Variants in IL20RA observed in about 807,000 individuals in gnomAD.
The protein encoded by IL20RA is interleukin-20 receptor subunit alpha.
A neutral mutation model predicts 36.5 loss-of-function variants in IL20RA; 29 were observed. That is an observed-to-expected ratio of 0.79 (90% CI 0.59 to 1.08). IL20RA has a LOEUF of 1.08. IL20RA is among the 50% of genes least tolerant of loss of function. The pLI is 0.00. For missense variants in IL20RA, 652 were observed against 668.4 expected (o/e 0.98, Z 0.27); for synonymous variants, 279 against 267.1 (o/e 1.04, Z -0.43).
At chr6:137,022,704 A>C (rs1319581582) in intron 1 of IL20RA, among the ~76,000 whole-genome samples, 1 of 152,234 alleles carries the variant, frequency 6.6e-6, no homozygotes, top group African/African-American at 2.4e-5. Flanking sequence ...GAGTTGTTGC[A>C]GATACAGTTA....
rs1562227474 is a variant in IL20RA at position 137,002,597 on chromosome 6, AGGGCTG to A, written c.865-248_865-243del. On this transcript the variant is annotated intron_variant, in intron 6 of 6. Transcript: ENST00000316649. ...CGCTGGGTGGGTATTTCTCCAGTCC[AGGGCTG>A]GGGCTGGGGCGTTGGTGCCCCCTCT... 7.2e-5 allele frequency among the ~76,000 whole-genome samples: 11 copies of A among 152,330 alleles called. No homozygotes were observed. In the South Asian group the frequency reaches 2.3e-3, roughly 32 times the overall value.
intron 4 of IL20RA, 40 bp downstream of exon 4, chr6:137,009,277 G>A (rs1268986128): frequency 4.7e-6 from 7 of 1,504,866 alleles, no homozygotes; most frequent in African/African-American, 1.4e-5. Context: ...TAGCTACAGA[G>A]TGGTACATGA....
At position 137,001,161 on chromosome 6, in the gene IL20RA, C is replaced by G. The variant is rs1775019388; in HGVS notation, c.*397G>C. ...AAGTGGTATTTATAAAATGAGTGAT[C>G]TTTGGGAAATATTTTTTACAGTGCT... On this transcript the variant is annotated 3_prime_UTR_variant, in exon 7 of 7. Coordinates refer to ENST00000316649, the MANE Select transcript of IL20RA (RefSeq NM_014432.4). 1 of 156,540 alleles carries G rather than the reference C, an allele frequency of 6.4e-6. No individual in the cohort carries two copies. Among genetic ancestry groups the G allele is most frequent in the Admixed American group, 6.5e-5 (1 of 15,424 alleles). The allele number at this position is 156,540 out of a possible 1,614,324, so 9.7% of individuals were successfully genotyped here.
At chr6:137,026,106 CT>C (rs1363939207) in intron 1 of IL20RA, among the ~76,000 whole-genome samples, 2 of 152,214 alleles carry the variant, frequency 1.3e-5, no homozygotes, top group African/African-American at 4.8e-5. Context: ...GTTTCTGAAG[CT>C]TATGACCAAC....
intron 1 of IL20RA, among the ~76,000 whole-genome samples, chr6:137,034,669 G>A (rs756355418): frequency 2.8e-4 from 42 of 152,070 alleles, no homozygotes; most frequent in Non-Finnish European, 2.2e-4. Flanking sequence ...GGCCAGGTGC[G>A]GTGGCTCACG....
intron 1 of IL20RA, among the ~76,000 whole-genome samples, chr6:137,020,150 C>A (rs763492760): frequency 3.9e-5 from 6 of 152,226 alleles, no homozygotes; most frequent in Non-Finnish European, 8.8e-5. Flanking sequence ...TGTGGAGGCC[C>A]ATGTGGCAAA....
chr6:137,027,519 T>A (rs1181814321), intron 1 of IL20RA, among the ~76,000 whole-genome samples: 1 of 152,224 alleles, frequency 6.6e-6, no homozygotes, highest in African/African-American at 2.4e-5. Flanking sequence ...TGGAGCCTAC[T>A]CCATGCTCTA....
intron 3 of IL20RA, 102 bp from the exon 4 acceptor site, chr6:137,009,594 CTTTTTTTTTTTTTTTTTTTT>C (rs3041892): frequency 5.2e-6 from 2 of 386,966 alleles, no homozygotes; most frequent in Non-Finnish European, 4.3e-6. Context: ...AAAAGACATC[CTTTTTTTTTTTTTTTTTTTT>C]TTTTTTTTTG....
intron 3 of IL20RA, among the ~76,000 whole-genome samples, chr6:137,010,426 G>A (rs551238261): frequency 1.3e-5 from 2 of 152,252 alleles, no homozygotes; most frequent in Admixed American, 1.3e-4. Flanking sequence ...ATATTCCTTG[G>A]ATTTTTAGAA....
chr6:137,029,612 A>T (rs891899355), intron 1 of IL20RA, among the ~76,000 whole-genome samples: 1 of 152,242 alleles, frequency 6.6e-6, no homozygotes, highest in East Asian at 1.9e-4. Context: ...TCATCATAGT[A>T]ACTGGAAAAG....
intron 1 of IL20RA, among the ~76,000 whole-genome samples, chr6:137,027,496 T>C (rs374883828): frequency 6.6e-6 from 1 of 152,280 alleles, no homozygotes; most frequent in East Asian, 1.9e-4. Context: ...GAACCAAAGT[T>C]CTAGGGTCAC....
intron 5 of IL20RA, among the ~76,000 whole-genome samples, chr6:137,007,038 A>T (rs2115369314): frequency 6.6e-6 from 1 of 152,208 alleles, no homozygotes; most frequent in African/African-American, 2.4e-5. Flanking sequence ...TTTTCATATT[A>T]GTGAGAAAGT....
intron 1 of IL20RA, among the ~76,000 whole-genome samples, chr6:137,030,240 C>T (rs1255312440): frequency 2.0e-5 from 3 of 151,692 alleles, no homozygotes; most frequent in African/African-American, 7.3e-5. Context: ...GCCACCATGA[C>T]TGGCTAAGTT....
intron 1 of IL20RA, among the ~76,000 whole-genome samples, chr6:137,018,697 T>C (rs1775793437): frequency 6.6e-6 from 1 of 152,220 alleles, no homozygotes; most frequent in Non-Finnish European, 1.5e-5. Context: ...GATTTAATAC[T>C]GCTTTGTGGT....
At chr6:137,021,234 T>C (rs276478) in intron 1 of IL20RA, among the ~76,000 whole-genome samples, 124,805 of 152,040 alleles carry the variant, frequency 0.82, 56,563 homozygotes, top group East Asian at 1. Flanking sequence ...TCAATGGAAA[T>C]AGATGGTTCT....
intron 1 of IL20RA, among the ~76,000 whole-genome samples, chr6:137,030,183 T>C (rs1776231104): frequency 6.9e-6 from 1 of 144,134 alleles, no homozygotes; most frequent in African/African-American, 2.6e-5. Flanking sequence ...TGGGCTCAAG[T>C]GGTCCTCCCT....
At position 137,001,417 on chromosome 6, in the gene IL20RA, A is replaced by T. The variant is rs1775028086; in HGVS notation, c.*141T>A. 4.0e-6 allele frequency: 3 copies of T among 748,520 alleles called. No individual in the cohort carries two copies. The African/African-American group carries it at 5.3e-5, about 13-fold the overall frequency. The allele number at this position is 748,520 out of a possible 1,614,324, so 46.4% of individuals were successfully genotyped here. ...AACCAATCACACACGTGCTATGAGA[A>T]TAGAGAAAAGAAATAAGTAATTCTC... On this transcript the variant is annotated 3_prime_UTR_variant, in exon 7 of 7. Coordinates refer to ENST00000316649, the MANE Select transcript of IL20RA (RefSeq NM_014432.4).
rs75409075 is a variant in IL20RA at position 137,001,741 on chromosome 6, C to A, written c.1479G>T (p.Ser493=). Residue 493 remains serine (S), a synonymous_variant, in exon 7 of 7, where the codon TCG becomes TCT. Transcript: ENST00000316649. ...DPQTGRLCIP[S]LSSFDQDSEG... is the part of the protein sequence containing the mutation. ...CTGAATCCTGGTCGAAGCTGGACAGCGAAGGAATACACAGCCTGCCAGTTT... is the reference window on the plus strand; with the variant it reads ...CTGAATCCTGGTCGAAGCTGGACAGAGAAGGAATACACAGCCTGCCAGTTT... 5.4e-4 allele frequency: 864 copies of A among 1,613,318 alleles called. 3 individuals carry two copies. In the African/African-American group the frequency reaches 9.0e-3, roughly 17 times the overall value.
At chr6:137,009,284 A>G (rs1562230925) in intron 4 of IL20RA, 33 bp downstream of exon 4, 5 of 1,555,570 alleles carry the variant, frequency 3.2e-6, no homozygotes, top group Non-Finnish European at 4.4e-6. Flanking sequence ...AGAGTGGTAC[A>G]TGAATGTATG....
Sources: allele counts gnomAD v4.1 joint callset (sites outside exome capture counted in the v4.1 genomes callset), GRCh38; gene constraint gnomAD v4.1.1; transcripts MANE v1.5; gene names NCBI Gene and HGNC (gene_info 2026-07-23, HGNC 2026-07-21).